Variants in SGSM1 observed in about 807,000 individuals in gnomAD.
SGSM1 encodes small G protein signaling modulator 1.
A neutral mutation model predicts 133.8 loss-of-function variants in SGSM1; 73 were observed. The observed-to-expected ratio is 0.55, with a 90% confidence interval of 0.45 to 0.66. The LOEUF is 0.66. Among genes scored for constraint, SGSM1 ranks in the 30% least tolerant of loss-of-function variants. The probability of loss-of-function intolerance (pLI) is 0.00; values close to 1 mark genes in which losing one functional copy is unlikely to be tolerated. For missense variants in SGSM1, 1,213 were observed against 1,448.1 expected, an observed-to-expected ratio of 0.84 and a Z score of 2.64; for synonymous variants, 563 against 573.0, an observed-to-expected ratio of 0.98 and a Z score of 0.25.
At chr22:24,868,974 G>A (rs995445690) in intron 12 of SGSM1, 119 bp downstream of exon 12, 2 of 1,430,494 alleles carry the variant, frequency 1.4e-6, no homozygotes, top group Admixed American at 4.8e-5. Flanking sequence ...GGAGGATCTG[G>A]AAACAGAAAG....
At chr22:24,850,642 G>A (rs1279668836) in intron 5 of SGSM1, among the ~76,000 whole-genome samples, 1 of 152,158 alleles carries the variant, frequency 6.6e-6, no homozygotes, top group Non-Finnish European at 1.5e-5. Flanking sequence ...AGGGATCCTG[G>A]GTTTCTTCCT....
intron 8 of SGSM1, 130 bp downstream of exon 8, chr22:24,855,810 C>G (rs1310316178): frequency 3.1e-6 from 4 of 1,302,518 alleles, no homozygotes; most frequent in African/African-American, 1.5e-5. Context: ...ACACATCCAC[C>G]CGCCCAACAC....
intron 2 of SGSM1, among the ~76,000 whole-genome samples, chr22:24,831,120 T>C (rs956109148): frequency 6.6e-6 from 1 of 151,890 alleles, no homozygotes; most frequent in Non-Finnish European, 1.5e-5. Context: ...TGGTCCTTGA[T>C]GGAGACGGAG....
At chr22:24,862,262 G>T (rs990788438) in intron 9 of SGSM1, among the ~76,000 whole-genome samples, 3 of 152,036 alleles carry the variant, frequency 2.0e-5, no homozygotes, top group Admixed American at 2.0e-4. Flanking sequence ...CCAGAGTCTA[G>T]AGTTTCTAAT....
chr22:24,854,297 G>T (rs1930649492), intron 5 of SGSM1, among the ~76,000 whole-genome samples: 2 of 152,146 alleles, frequency 1.3e-5, no homozygotes, highest in African/African-American at 4.8e-5. Context: ...AACAGCATTT[G>T]GTTGCCCCAG....
chr22:24,825,108 C>T (rs1219387289), intron 2 of SGSM1, among the ~76,000 whole-genome samples: 6 of 152,300 alleles, frequency 3.9e-5, no homozygotes, highest in African/African-American at 1.4e-4. Context: ...GAGGAGGTGA[C>T]ACCTTGGCTG....
intron 12 of SGSM1, among the ~76,000 whole-genome samples, chr22:24,870,914 A>T (rs979524648): frequency 6.6e-6 from 1 of 151,414 alleles, no homozygotes; most frequent in Non-Finnish European, 1.5e-5. Flanking sequence ...CTAACCCTTT[A>T]CTCCCTCCCC....
At chr22:24,876,486 C>T (rs2273144) in intron 12 of SGSM1, 91 bp from the exon 13 acceptor site, 176,735 of 1,520,958 alleles carry the variant, frequency 0.12, 11,332 homozygotes, top group South Asian at 0.23. Flanking sequence ...CTGGCTGGGG[C>T]GGGTGAGCTG....
chr22:24,872,273 C>G (rs1202646978), intron 12 of SGSM1, among the ~76,000 whole-genome samples: 1 of 152,146 alleles, frequency 6.6e-6, no homozygotes, highest in East Asian at 1.9e-4. Flanking sequence ...TTTGCCTGCC[C>G]CTTGTGCTCT....
intron 23 of SGSM1, among the ~76,000 whole-genome samples, chr22:24,919,214 A>AC (rs886159222): frequency 6.7e-6 from 1 of 149,992 alleles, no homozygotes; most frequent in Non-Finnish European, 1.5e-5. Context: ...TGCCTGACTA[A>AC]TTTTTTTTGT....
At chr22:24,889,299 A>G (rs916490155) in intron 16 of SGSM1, among the ~76,000 whole-genome samples, 20 of 151,924 alleles carry the variant, frequency 1.3e-4, no homozygotes, top group African/African-American at 4.3e-4. Flanking sequence ...AACAGATGCA[A>G]TTCATATTTT....
chr22:24,855,249 GGGGCAGT>G lies in SGSM1; in HGVS notation c.524-32_524-26del, dbSNP rs773812018. On this transcript the variant is annotated intron_variant, in intron 6 of 24. Transcript: ENST00000400358. Reference sequence around the variant, plus strand: ...TGGTAGACATGCGGGAGGACTTTCCGGGGCAGTGGGTTTCCAGCCCCCACATGCCCCT... The same window carrying G: ...TGGTAGACATGCGGGAGGACTTTCCGGGGTTTCCAGCCCCCACATGCCCCT... 1.1e-5 allele frequency: 17 copies of G among 1,590,760 alleles called. No individual in the cohort carries two copies. In the Admixed American group the frequency reaches 1.2e-4, roughly 12 times the overall value.
chr22:24,834,402 T>C (rs1165194021), intron 2 of SGSM1, among the ~76,000 whole-genome samples: 7 of 152,226 alleles, frequency 4.6e-5, no homozygotes, highest in African/African-American at 1.7e-4. Context: ...TAAAGTTTTA[T>C]TGGGACACAG....
chr22:24,846,331 T>C (rs111768586), intron 3 of SGSM1, among the ~76,000 whole-genome samples: 1 of 151,846 alleles, frequency 6.6e-6, no homozygotes, highest in African/African-American at 2.4e-5. Flanking sequence ...TTAAGTGGGA[T>C]GTGTTTATTT....
chr22:24,825,814 G>T (rs943381188), intron 2 of SGSM1, among the ~76,000 whole-genome samples: 1 of 152,202 alleles, frequency 6.6e-6, no homozygotes, highest in Admixed American at 6.5e-5. Context: ...TCTTCCGGAG[G>T]TAAGCGTCAG....
intron 2 of SGSM1, 142 bp downstream of exon 2, chr22:24,806,626 CTCCCG>C: frequency 9.8e-7 from 1 of 1,019,894 alleles, no homozygotes; most frequent in Non-Finnish European, 1.3e-6. Context: ...GGGCATTGAC[CTCCCG>C]CAGGGCAGGA....
rs1472960624 is a variant in SGSM1, at chr22:24,917,772, G to C, written c.3025+18G>C. The C allele has an allele frequency of 6.2e-7, 1 of 1,603,560 alleles. No homozygotes were observed. The highest frequency in any genetic ancestry group is 1.3e-5 in the African/African-American group (1 of 74,710). ...CAAGCGAGGTACAGACTTTAAATTGGGGACCTGTGTCCAGACTCTTTGTAG... is the reference window on the plus strand; with the variant it reads ...CAAGCGAGGTACAGACTTTAAATTGCGGACCTGTGTCCAGACTCTTTGTAG... On this transcript the variant is annotated intron_variant, in intron 23 of 24. Transcript: ENST00000400358.
chr22:24,906,686 G>A (rs74521522), intron 21 of SGSM1, among the ~76,000 whole-genome samples: 19,432 of 152,144 alleles, frequency 0.13, 1,377 homozygotes, highest in South Asian at 0.27. Flanking sequence ...TAATCCCAGC[G>A]TTTCGGGAGG....
intron 12 of SGSM1, among the ~76,000 whole-genome samples, chr22:24,873,427 A>T (rs958779493): frequency 1.3e-5 from 2 of 151,996 alleles, no homozygotes; most frequent in Admixed American, 1.3e-4. Flanking sequence ...AGTAGCACCT[A>T]ATTAATCCCC....
Sources: gnomAD v4.1 joint callset for allele counts (sites outside exome capture counted in the v4.1 genomes callset) on GRCh38, gnomAD v4.1.1 for gene constraint, MANE v1.5 for transcripts, NCBI Gene and HGNC (gene_info 2026-07-23, HGNC 2026-07-21) for gene names.